The following TFDP1 variants were observed in gnomAD, a reference collection of about 807,000 sequenced individuals.
The protein encoded by TFDP1 is transcription factor Dp-1, also known as DRTF1-polypeptide 1.
In TFDP1, 6 loss-of-function variants were observed where a neutral mutation model predicts 48.0. The observed-to-expected ratio is 0.13, with a 90% confidence interval of 0.07 to 0.25. The LOEUF (loss-of-function observed/expected upper bound fraction) is 0.25. Ranked by LOEUF, TFDP1 falls within the 10% of genes least tolerant of loss-of-function variation. The pLI is 1.00. For missense variants in TFDP1, 335 were observed against 543.0 expected, an observed-to-expected ratio of 0.62 and a Z score of 3.81; for synonymous variants, 201 against 211.6, an observed-to-expected ratio of 0.95 and a Z score of 0.44.
chr13:113,618,498 G>A (rs570987177), intron 3 of TFDP1, among the ~76,000 whole-genome samples: 2 of 152,338 alleles, frequency 1.3e-5, no homozygotes, highest in African/African-American at 4.8e-5. Context: ...TCCAGCCTGG[G>A]TGACAGAGTG....
At chr13:113,612,105 G>A (rs2048722623) in intron 3 of TFDP1, among the ~76,000 whole-genome samples, 1 of 152,240 alleles carries the variant, frequency 6.6e-6, no homozygotes, top group Admixed American at 6.5e-5. Context: ...GCGTGGGAGT[G>A]TGGTGACCAG....
At chr13:113,621,852 G>A (rs952479572) in intron 3 of TFDP1, among the ~76,000 whole-genome samples, 9 of 152,216 alleles carry the variant, frequency 5.9e-5, no homozygotes, top group Admixed American at 5.2e-4. Flanking sequence ...AGTCAGGCTC[G>A]CCTGCAGTTA....
At chr13:113,630,430 C>T (rs937098598) in intron 4 of TFDP1, among the ~76,000 whole-genome samples, 1 of 152,064 alleles carries the variant, frequency 6.6e-6, no homozygotes, top group African/African-American at 2.4e-5. Context: ...AAAGTGTCCC[C>T]GTCAGCTGCT....
chr13:113,605,834 A>G (rs1490669034), intron 2 of TFDP1, among the ~76,000 whole-genome samples: 40 of 130,786 alleles, frequency 3.1e-4, no homozygotes, highest in South Asian at 7.9e-4. Flanking sequence ...CCTGTGGGAA[A>G]GCAGCGCAGT....
At chr13:113,613,166 A>ATG in intron 3 of TFDP1, among the ~76,000 whole-genome samples, 1 of 152,256 alleles carries the variant, frequency 6.6e-6, no homozygotes, top group East Asian at 1.9e-4. Flanking sequence ...AGAGGTGCCC[A>ATG]CCACCATATC....
rs751600987 is a variant in TFDP1 at position 113,607,219 on chromosome 13, G to A, written c.13-3777G>A. Among the ~76,000 whole-genome samples, 7 of 152,220 alleles carry A rather than the reference G, an allele frequency of 4.6e-5. No individual in the cohort carries two copies. The highest frequency in any genetic ancestry group is 1.7e-4 in the African/African-American group (7 of 41,450). On this transcript the variant is annotated intron_variant, in intron 2 of 11. Transcript: ENST00000375370. This position sits in a 1 kb window ranked among gnomAD's most constrained non-coding sequence, Gnocchi z 5.2. ...GTTGCTGCGGCTGAGACAGCGCAGG[G>A]CGTCATTCATCCCCCTGCCTCCTGA... is the stretch of plus-strand genomic sequence containing the variant.
Position 113,626,090 on chromosome 13 carries a change from G to T in TFDP1, c.186+2804G>T, listed in dbSNP as rs537451333. 2.0e-3 allele frequency among the ~76,000 whole-genome samples: 254 copies of T among 124,694 alleles called. 2 individuals carry two copies. Among genetic ancestry groups the T allele is most frequent in the African/African-American group, 8.2e-3 (243 of 29,764 alleles). 81.8% of individuals were successfully genotyped at this position (124,694 alleles called of 152,430 possible). On this transcript the variant is annotated intron_variant, in intron 4 of 11. Transcript: ENST00000375370. ...TCAGGTGTCTCTCACGTGTCCTCAG[G>T]TGTTTCTCAGGTGTCTCTCACGTGT...
At chr13:113,637,917 G>C in intron 11 of TFDP1, 21 bp downstream of exon 11, 1 of 1,610,156 alleles carries the variant, frequency 6.2e-7, no homozygotes, top group Non-Finnish European at 8.5e-7. Context: ...TTGAGGGTGT[G>C]GGAGAGGCGT....
At chr13:113,619,199 G>C (rs114573468) in intron 3 of TFDP1, among the ~76,000 whole-genome samples, 2,363 of 152,308 alleles carry the variant, frequency 0.016, 62 homozygotes, top group African/African-American at 0.053. Context: ...CCGGCTGGGC[G>C]TAGTGGCTAA....
chr13:113,626,886 T>G (rs2049194257), intron 4 of TFDP1, among the ~76,000 whole-genome samples: 1 of 152,206 alleles, frequency 6.6e-6, no homozygotes, highest in Non-Finnish European at 1.5e-5. Flanking sequence ...GGTGAATAAT[T>G]GTAGCACCAC....
chr13:113,602,760 T>G (rs917225370), intron 2 of TFDP1, among the ~76,000 whole-genome samples: 3 of 152,024 alleles, frequency 2.0e-5, no homozygotes, highest in Non-Finnish European at 2.9e-5. Context: ...GGCCCTGGCG[T>G]CCCTCTCTCC....
At chr13:113,614,742 G>A (rs1566657097) in intron 3 of TFDP1, among the ~76,000 whole-genome samples, 1 of 152,190 alleles carries the variant, frequency 6.6e-6, no homozygotes, top group Non-Finnish European at 1.5e-5. Flanking sequence ...GTTCTCTAAA[G>A]TAGCAGCCAG....
chr13:113,634,885 ATGTGTGTGCGTGCATGTGCC>A (rs1389908973), intron 8 of TFDP1, among the ~76,000 whole-genome samples: 1 of 147,278 alleles, frequency 6.8e-6, no homozygotes, highest in East Asian at 2.0e-4. Context: ...GTGCGTGTGC[ATGTGTGTGCGTGCATGTGCC>A]TGTGTGCGTG....
chr13:113,627,739 C>T lies in TFDP1; in HGVS notation c.187-3884C>T, dbSNP rs1018804023. Among the ~76,000 whole-genome samples, 6 of 146,520 alleles carry T rather than the reference C, an allele frequency of 4.1e-5. No homozygotes were observed. Among genetic ancestry groups the T allele is most frequent in the Admixed American group, 6.6e-5 (1 of 15,068 alleles). On this transcript the variant is annotated intron_variant, in intron 4 of 11. Coordinates refer to ENST00000375370, the MANE Select transcript of TFDP1 (RefSeq NM_007111.5). The surrounding 1 kb of genome is among the most constrained non-coding windows in gnomAD (Gnocchi z 4.1). ...TCAGGAGCGCAAACCCCACTGTGAA[C>T]GGCACATGCAGGATCTAGGTGGCAC...
intron 2 of TFDP1, among the ~76,000 whole-genome samples, chr13:113,588,175 G>A (rs2048051441): frequency 6.6e-6 from 1 of 152,256 alleles, no homozygotes. Flanking sequence ...TAAAAGCACT[G>A]GTACTGCAGT....
chr13:113,603,333 C>T (rs1004898139), intron 2 of TFDP1, among the ~76,000 whole-genome samples: 6 of 152,192 alleles, frequency 3.9e-5, no homozygotes, highest in African/African-American at 1.2e-4. Context: ...CACACCCTGG[C>T]GGGTGCTGGC....
At chr13:113,635,831 AC>A in intron 8 of TFDP1, 145 bp from the exon 9 acceptor site, 1 of 874,876 alleles carries the variant, frequency 1.1e-6, no homozygotes, top group Middle Eastern at 3.6e-4. Flanking sequence ...AGAGGTCAGC[AC>A]CCAGCGGCCG....
intron 2 of TFDP1, among the ~76,000 whole-genome samples, chr13:113,599,840 AAG>A (rs965323172): frequency 6.4e-5 from 9 of 141,584 alleles, no homozygotes; most frequent in Admixed American, 2.8e-4. Context: ...GACCATGAGA[AAG>A]AACCCAGGAC....
chr13:113,600,002 G>A (rs1777593946), intron 2 of TFDP1, among the ~76,000 whole-genome samples: 1 of 144,806 alleles, frequency 6.9e-6, no homozygotes, highest in African/African-American at 2.6e-5. Context: ...GCCCAGGACC[G>A]TGAGAGAGAA....
Sources: gnomAD v4.1 joint callset for allele counts (sites outside exome capture counted in the v4.1 genomes callset) on GRCh38, gnomAD v4.1.1 for gene constraint, Gnocchi (gnomAD v3.1) non-coding constraint, MANE v1.5 for transcripts, NCBI Gene and HGNC (gene_info 2026-07-23, HGNC 2026-07-21) for gene names.